Variants in MAGI2 observed in about 807,000 individuals in gnomAD.
MAGI2 encodes the protein membrane associated guanylate kinase, WW and PDZ domain containing 2, also known as membrane-associated guanylate kinase, WW and PDZ domain-containing protein 2.
Under a neutral mutation model 133.3 loss-of-function variants are expected in MAGI2, and 35 were observed. The ratio of observed to expected loss-of-function variants is 0.26; its 90% confidence interval spans 0.20 to 0.35. The LOEUF is 0.35. Among genes scored for constraint, MAGI2 ranks in the 10% least tolerant of loss-of-function variants. The probability of loss-of-function intolerance (pLI) is 1.00; values close to 1 mark genes in which losing one functional copy is unlikely to be tolerated. For missense variants in MAGI2, 1,636 were observed against 1,863.4 expected, an observed-to-expected ratio of 0.88 and a Z score of 2.25; for synonymous variants, 729 against 710.6, an observed-to-expected ratio of 1.03 and a Z score of -0.41.
chr7:78,606,404 C>A (rs2150896102), intron 3 of MAGI2, among the ~76,000 whole-genome samples: 1 of 150,888 alleles, frequency 6.6e-6, no homozygotes, highest in African/African-American at 2.4e-5. Context: ...CAAAAACTCA[C>A]TTTGTGAAGC....
At chr7:78,937,760 G>A (rs1800628245) in intron 2 of MAGI2, among the ~76,000 whole-genome samples, 1 of 152,084 alleles carries the variant, frequency 6.6e-6, no homozygotes, top group Non-Finnish European at 1.5e-5. Context: ...CAGCTCTGGT[G>A]CTTGGGTAAT....
At chr7:78,071,511 T>C (rs369957875) in intron 21 of MAGI2, among the ~76,000 whole-genome samples, 38 of 152,152 alleles carry the variant, frequency 2.5e-4, no homozygotes, top group Middle Eastern at 6.8e-3. Flanking sequence ...TACTCCAGCC[T>C]GGACTACAGA....
At chr7:78,048,240 G>T (rs1265385051) in intron 21 of MAGI2, among the ~76,000 whole-genome samples, 3 of 152,194 alleles carry the variant, frequency 2.0e-5, no homozygotes, top group African/African-American at 4.8e-5. Flanking sequence ...TATATGCAGG[G>T]TATGTTAAAT....
chr7:78,386,306 G>A (rs1583827548), intron 6 of MAGI2, among the ~76,000 whole-genome samples: 1 of 152,136 alleles, frequency 6.6e-6, no homozygotes, highest in Non-Finnish European at 1.5e-5. Context: ...TTAACAGCAT[G>A]CATCGCATTA....
At chr7:79,174,869 A>C (rs931654024) in intron 1 of MAGI2, among the ~76,000 whole-genome samples, 4 of 151,930 alleles carry the variant, frequency 2.6e-5, no homozygotes, top group Admixed American at 6.6e-5. Flanking sequence ...AAATCTTGCA[A>C]GAACTATTGG....
rs1350512590 is a variant in MAGI2, at chr7:78,911,432, A to G, written c.418+95658T>C. Reference sequence around the variant, plus strand: ...CCTCAGGAATGGGAGTAGTGCCTTTACAAAAAAGGCTTCCAGGAACTTGTT... The same window carrying G: ...CCTCAGGAATGGGAGTAGTGCCTTTGCAAAAAAGGCTTCCAGGAACTTGTT... On this transcript the variant is annotated intron_variant, in intron 2 of 21. Transcript: ENST00000354212. Among the ~76,000 whole-genome samples, 4 of 152,146 alleles carry G rather than the reference A, an allele frequency of 2.6e-5. No individual in the cohort carries two copies. The East Asian group carries it at 7.7e-4, about 29-fold the overall frequency.
At chr7:78,896,457 G>A (rs59857054) in intron 2 of MAGI2, among the ~76,000 whole-genome samples, 2,957 of 150,896 alleles carry the variant, frequency 0.02, 113 homozygotes, top group African/African-American at 0.068. Flanking sequence ...AAGCATATAC[G>A]ACACTAAATA....
intron 2 of MAGI2, among the ~76,000 whole-genome samples, chr7:78,769,288 C>T (rs985663042): frequency 2.6e-5 from 4 of 151,942 alleles, no homozygotes; most frequent in African/African-American, 9.7e-5. Flanking sequence ...GTCAGCCCTC[C>T]CGAAAGTCCA....
chr7:79,186,028 G>A (rs1827054027), intron 1 of MAGI2, among the ~76,000 whole-genome samples: 1 of 150,998 alleles, frequency 6.6e-6, no homozygotes, highest in African/African-American at 2.4e-5. Context: ...ACATTTTTTT[G>A]ATAGTGAATT....
chr7:78,111,881 T>C (rs1819399657), intron 20 of MAGI2, among the ~76,000 whole-genome samples: 1 of 152,156 alleles, frequency 6.6e-6, no homozygotes, highest in African/African-American at 2.4e-5. Context: ...GCTTTCAGGG[T>C]TGGCTGAATT....
At chr7:79,203,984 T>C (rs772380166) in intron 1 of MAGI2, among the ~76,000 whole-genome samples, 4 of 151,876 alleles carry the variant, frequency 2.6e-5, no homozygotes, top group Non-Finnish European at 5.9e-5. Flanking sequence ...AGTACAATAA[T>C]AAGAAAAGGC....
chr7:78,262,818 T>C (rs1793638305), intron 9 of MAGI2, among the ~76,000 whole-genome samples: 1 of 152,198 alleles, frequency 6.6e-6, no homozygotes. Flanking sequence ...TTTTATTTTT[T>C]AAAATTTCAA....
intron 3 of MAGI2, among the ~76,000 whole-genome samples, chr7:78,598,172 C>T (rs1298270769): frequency 6.6e-6 from 1 of 152,050 alleles, no homozygotes; most frequent in Non-Finnish European, 1.5e-5. Flanking sequence ...ATGTTAAACT[C>T]TAGGGATATC....
chr7:79,401,261 T>C (rs1406636279), intron 1 of MAGI2, among the ~76,000 whole-genome samples: 1 of 152,200 alleles, frequency 6.6e-6, no homozygotes, highest in Non-Finnish European at 1.5e-5. Flanking sequence ...CCATGGTTAA[T>C]ACCTACACAA....
chr7:78,235,039 T>C (rs1414810871), intron 10 of MAGI2, among the ~76,000 whole-genome samples: 10 of 152,220 alleles, frequency 6.6e-5, no homozygotes, highest in Non-Finnish European at 1.3e-4. Flanking sequence ...AAATTTATTG[T>C]ATACTGGTTA....
intron 10 of MAGI2, among the ~76,000 whole-genome samples, chr7:78,220,961 C>T (rs1432091105): frequency 1.3e-5 from 2 of 152,154 alleles, no homozygotes; most frequent in African/African-American, 4.8e-5. Context: ...GGGTTTACAA[C>T]CCATATGTTG....
At chr7:78,513,724 A>G (rs1030276990) in intron 4 of MAGI2, among the ~76,000 whole-genome samples, 1 of 152,076 alleles carries the variant, frequency 6.6e-6, no homozygotes, top group African/African-American at 2.4e-5. Context: ...CACACAAATT[A>G]CGTAAACTTG....
chr7:79,137,866 G>A (rs10255742), intron 1 of MAGI2, among the ~76,000 whole-genome samples: 2 of 151,906 alleles, frequency 1.3e-5, no homozygotes, highest in African/African-American at 2.4e-5. Flanking sequence ...GTTACCATAC[G>A]TGGCACACAG....
intron 5 of MAGI2, 120 bp downstream of exon 5, chr7:78,501,457 G>C (rs2150525067): frequency 1.2e-6 from 1 of 838,520 alleles, no homozygotes; most frequent in South Asian, 1.8e-5. Flanking sequence ...AAATAAAAAA[G>C]CTGTTACCAG....
Sources: gnomAD v4.1 joint callset for allele counts (sites outside exome capture counted in the v4.1 genomes callset) on GRCh38, gnomAD v4.1.1 for gene constraint, MANE v1.5 for transcripts, NCBI Gene and HGNC (gene_info 2026-07-23, HGNC 2026-07-21) for gene names.